The following MAP3K1 variants were observed in gnomAD, a reference collection of about 807,000 sequenced individuals.
The protein encoded by MAP3K1 is mitogen-activated protein kinase kinase kinase 1.
Under a neutral mutation model 144.2 loss-of-function variants are expected in MAP3K1, and 36 were observed. That is an observed-to-expected ratio of 0.25 (90% CI 0.19 to 0.33). The LOEUF is 0.33. MAP3K1 is among the 10% of genes least tolerant of loss of function. MAP3K1 has a pLI of 1.00. For synonymous variants in MAP3K1, 718 were observed against 688.7 expected, an observed-to-expected ratio of 1.04 and a Z score of -0.67; for missense variants, 1,650 against 1,881.9, an observed-to-expected ratio of 0.88 and a Z score of 2.28.
chr5:56,894,021 G>A lies in MAP3K1; in HGVS notation c.*341G>A, dbSNP rs774106948. 11 of 399,558 alleles carry A rather than the reference G, an allele frequency of 2.8e-5. No individual in the cohort carries two copies. The highest frequency in any genetic ancestry group is 4.2e-5 in the Non-Finnish European group (9 of 214,196). The allele number at this position is 399,558 out of a possible 1,614,324, so 24.8% of individuals were successfully genotyped here. On this transcript the variant is annotated 3_prime_UTR_variant, in exon 20 of 20. Transcript: ENST00000399503. The stretch of plus-strand genomic sequence containing the variant: ...GCAATATTAGCGGCTGAGGGGCTCA[G>A]GATCTATTTTAATATTTCAATTATT...
At chr5:56,886,187 T>C in intron 17 of MAP3K1, 124 bp downstream of exon 17, 1 of 754,632 alleles carries the variant, frequency 1.3e-6, no homozygotes, top group Non-Finnish European at 2.3e-6. Context: ...GTGGATCACT[T>C]GAGGTCAGGA....
rs529502362 is a variant in MAP3K1 at position 56,847,092 on chromosome 5, A to G, written c.483-9508A>G. Among the ~76,000 whole-genome samples, 38 of 152,324 alleles carry G rather than the reference A, an allele frequency of 2.5e-4. No homozygotes were observed. In the South Asian group the frequency reaches 7.2e-3, roughly 29 times the overall value. Reference sequence around the variant, plus strand: ...TCTGGAACTAGGCAGGTGTAAAGAGATGATTTAGAAAACCTTTTTGCATTT... The same window carrying G: ...TCTGGAACTAGGCAGGTGTAAAGAGGTGATTTAGAAAACCTTTTTGCATTT... On this transcript the variant is annotated intron_variant, in intron 1 of 19. Transcript: ENST00000399503.
At chr5:56,816,210 T>A (rs911729339) in intron 1 of MAP3K1, among the ~76,000 whole-genome samples, 155 bp downstream of exon 1, 1 of 151,826 alleles carries the variant, frequency 6.6e-6, no homozygotes, top group Non-Finnish European at 1.5e-5. Context: ...CCCCGACCCC[T>A]TCGGAGTCGG....
Position 56,856,653 on chromosome 5 carries a change from G to A in MAP3K1, c.536G>A (p.Arg179His), listed in dbSNP as rs1446304905. 2.5e-6 allele frequency: 4 copies of A among 1,613,924 alleles called. No homozygotes were observed. The highest frequency in any genetic ancestry group is 2.2e-5 in the South Asian group (2 of 91,076). The change falls in exon 2 of 20, where the codon CGT becomes CAT. Residue 179 changes from arginine to histidine, a missense_variant. By Grantham distance (29) the Arg-to-His change is conservative. Transcript: ENST00000399503. ...AAAGGGTTGCACAAGATGGATGATC[G>A]TCCAGAGGAACGAATGATCAGGGAG... ...TLKGLHKMDD[R>H]PEERMIREKL...
intron 9 of MAP3K1, among the ~76,000 whole-genome samples, 193 bp from the exon 10 acceptor site, chr5:56,874,839 A>G (rs1041270320): frequency 4.6e-5 from 7 of 152,222 alleles, no homozygotes; most frequent in African/African-American, 1.4e-4. Flanking sequence ...TTGGATAATT[A>G]TCAGTTAAAC....
In MAP3K1 at chr5:56,893,415, C is replaced by T. The variant is rs1293652053; in HGVS notation, c.4390-116C>T. 1.2e-5 allele frequency: 13 copies of T among 1,106,476 alleles called. No homozygotes were observed. In the East Asian group the frequency reaches 2.7e-4, roughly 23 times the overall value. 68.5% of individuals were successfully genotyped at this position (1,106,476 alleles called of 1,614,324 possible). A position where few individuals can be genotyped will look rare whatever the true frequency, so the allele number is the denominator to read the frequency against. On this transcript the variant is annotated intron_variant, in intron 19 of 19. Transcript: ENST00000399503. The stretch of plus-strand genomic sequence containing the variant: ...ATAGCAGAAAATCCTCCCACTTCTG[C>T]TTCAGTTCCTCTCTGTTCAGGATGT...
chr5:56,851,312 T>G (rs1331137657), intron 1 of MAP3K1, among the ~76,000 whole-genome samples: 3 of 152,190 alleles, frequency 2.0e-5, no homozygotes, highest in African/African-American at 7.2e-5. Flanking sequence ...AACTAGTGTT[T>G]TAGTCAGACT....
At chr5:56,880,936 C>T (rs1172277651) in intron 12 of MAP3K1, 134 bp downstream of exon 12, 44 of 1,040,262 alleles carry the variant, frequency 4.2e-5, no homozygotes, top group Non-Finnish European at 5.9e-5. Flanking sequence ...CACTGTGTTA[C>T]AGTTAGAAAT....
intron 19 of MAP3K1, among the ~76,000 whole-genome samples, chr5:56,890,612 G>A (rs76058858): frequency 0.059 from 9,008 of 152,178 alleles, 284 homozygotes; most frequent in East Asian, 0.12. Flanking sequence ...AGTACCAAGT[G>A]CCAAGTTCAG....
rs751441917 is a variant in MAP3K1, at chr5:56,860,023, G to A, written c.834+108G>A. On this transcript the variant is annotated intron_variant, in intron 3 of 19. Coordinates refer to ENST00000399503, the MANE Select transcript of MAP3K1 (RefSeq NM_005921.2). Reference sequence around the variant, plus strand: ...GTTAGAACATCAGTTTTCAAAATATGATCTGCAGACCCCTGAGGATGGGGG... The same window carrying A: ...GTTAGAACATCAGTTTTCAAAATATAATCTGCAGACCCCTGAGGATGGGGG... 457 of 1,002,124 alleles carry A rather than the reference G, an allele frequency of 4.6e-4. 1 individual carries two copies. The highest frequency in any genetic ancestry group is 1.5e-3 in the South Asian group (107 of 72,106). 62.1% of individuals were successfully genotyped at this position (1,002,124 alleles called of 1,614,324 possible).
intron 3 of MAP3K1, among the ~76,000 whole-genome samples, chr5:56,861,573 A>G (rs1747513307): frequency 1.4e-5 from 1 of 69,290 alleles, no homozygotes; most frequent in Non-Finnish European, 3.4e-5. Context: ...ACTCCTAAAA[A>G]AAAAAAAAAA....
intron 6 of MAP3K1, among the ~76,000 whole-genome samples, chr5:56,866,453 G>T (rs1011216929): frequency 1.3e-5 from 2 of 152,078 alleles, no homozygotes; most frequent in Non-Finnish European, 2.9e-5. Context: ...ATGTATGTAT[G>T]TTAAAGGTCA....
intron 1 of MAP3K1, among the ~76,000 whole-genome samples, chr5:56,843,032 A>G (rs1286939179): frequency 2.0e-5 from 3 of 152,134 alleles, no homozygotes; most frequent in African/African-American, 7.2e-5. Flanking sequence ...TATGATCTCT[A>G]TTGACTAAGA....
chr5:56,816,123 G>A, intron 1 of MAP3K1, 68 bp downstream of exon 1: 1 of 1,176,896 alleles, frequency 8.5e-7, no homozygotes, highest in Non-Finnish European at 1.1e-6. Flanking sequence ...ATGAACCCCG[G>A]GCACCATGCA....
At chr5:56,865,714 T>G in intron 5 of MAP3K1, 115 bp from the exon 6 acceptor site, 7 of 1,164,408 alleles carry the variant, frequency 6.0e-6, no homozygotes, top group Non-Finnish European at 7.7e-6. Context: ...TTGAAGCTCT[T>G]AAATCAACTT....
chr5:56,866,035 T>G, intron 6 of MAP3K1, 58 bp downstream of exon 6: 1 of 1,240,486 alleles, frequency 8.1e-7, no homozygotes, highest in Non-Finnish European at 1.2e-6. Context: ...ATTTTAGGGG[T>G]AATTTTTTAT....
At chr5:56,825,438 A>G (rs995120963) in intron 1 of MAP3K1, among the ~76,000 whole-genome samples, 19 of 152,194 alleles carry the variant, frequency 1.2e-4, no homozygotes, top group Admixed American at 5.2e-4. Context: ...ACTCATTGAT[A>G]CTGTGGTGCC....
At chr5:56,829,990 A>T (rs1746437907) in intron 1 of MAP3K1, among the ~76,000 whole-genome samples, 1 of 152,192 alleles carries the variant, frequency 6.6e-6, no homozygotes, top group Non-Finnish European at 1.5e-5. Flanking sequence ...TCAGGTCCAA[A>T]AAAGCAGTTT....
intron 1 of MAP3K1, among the ~76,000 whole-genome samples, chr5:56,835,791 T>C (rs145551316): frequency 2.6e-5 from 4 of 152,140 alleles, no homozygotes; most frequent in Non-Finnish European, 4.4e-5. Flanking sequence ...GTTAAAGTAG[T>C]GAGCATGCTT....
Sources: allele counts gnomAD v4.1 joint callset (sites outside exome capture counted in the v4.1 genomes callset), GRCh38; gene constraint gnomAD v4.1.1; transcripts MANE v1.5; gene names NCBI Gene and HGNC (gene_info 2026-07-23, HGNC 2026-07-21).